The following CAMTA1 variants were observed in gnomAD, a reference collection of about 807,000 sequenced individuals.
CAMTA1 encodes the protein calmodulin binding transcription activator 1, also known as calmodulin-binding transcription activator 1.
A neutral mutation model predicts 170.9 loss-of-function variants in CAMTA1; 27 were observed. That is an observed-to-expected ratio of 0.16 (90% CI 0.12 to 0.22). CAMTA1 has a LOEUF of 0.22. CAMTA1 is among the 10% of genes least tolerant of loss of function. The pLI is 1.00. For missense variants in CAMTA1, 1,619 were observed against 2,217.2 expected, an observed-to-expected ratio of 0.73 and a Z score of 5.42; for synonymous variants, 833 against 891.5, an observed-to-expected ratio of 0.93 and a Z score of 1.17.
At chr1:7,508,617 A>G (rs766207783) in intron 6 of CAMTA1, among the ~76,000 whole-genome samples, 12 of 151,932 alleles carry the variant, frequency 7.9e-5, no homozygotes, top group Non-Finnish European at 1.6e-4. Context: ...GGCTCAGAGA[A>G]TATTTGTTGA....
intron 5 of CAMTA1, among the ~76,000 whole-genome samples, chr1:7,280,834 A>G (rs1394784044): frequency 6.6e-6 from 1 of 152,254 alleles, no homozygotes; most frequent in Non-Finnish European, 1.5e-5. Context: ...TTGTCATAGT[A>G]ATTGATAGGA....
chr1:6,966,422 A>G (rs1029723520), intron 3 of CAMTA1, among the ~76,000 whole-genome samples: 21 of 152,094 alleles, frequency 1.4e-4, no homozygotes, highest in Non-Finnish European at 1.5e-5. Context: ...CATTTCATAT[A>G]AATGGAACCA....
intron 3 of CAMTA1, among the ~76,000 whole-genome samples, chr1:6,885,808 T>C (rs1175050875): frequency 2.0e-5 from 3 of 152,022 alleles, no homozygotes; most frequent in Non-Finnish European, 4.4e-5. Context: ...CCCCTCCTCC[T>C]CCCCTGATGT....
intron 4 of CAMTA1, among the ~76,000 whole-genome samples, chr1:7,103,796 A>G (rs1573061664): frequency 6.6e-6 from 1 of 150,942 alleles, no homozygotes; most frequent in South Asian, 2.1e-4. Flanking sequence ...CGTACATACA[A>G]CGCACATATA....
At chr1:6,969,710 C>G (rs1692199805) in intron 3 of CAMTA1, among the ~76,000 whole-genome samples, 1 of 152,238 alleles carries the variant, frequency 6.6e-6, no homozygotes, top group Non-Finnish European at 1.5e-5. Context: ...TATTGGCCTT[C>G]AAAGCCAGTG....
Position 7,482,772 on chromosome 1 carries a change from C to T in CAMTA1, c.510+14871C>T, listed in dbSNP as rs948973590. On this transcript the variant is annotated intron_variant, in intron 6 of 22. Transcript: ENST00000303635. The surrounding 1 kb of genome is among the most constrained non-coding windows in gnomAD (Gnocchi z 4.2). ...ACTGTCGGTTCCAAAGAAATGAGCT[C>T]CCATGGGGTCTCATTTTGCCCTATC... Among the ~76,000 whole-genome samples the T allele has an allele frequency of 1.3e-5, 2 of 152,190 alleles. No individual in the cohort carries two copies. Among genetic ancestry groups the T allele is most frequent in the East Asian group, 3.9e-4 (2 of 5,192 alleles).
intron 3 of CAMTA1, among the ~76,000 whole-genome samples, chr1:7,053,748 T>G (rs1706846747): frequency 6.6e-6 from 1 of 152,122 alleles, no homozygotes; most frequent in Admixed American, 6.5e-5. Flanking sequence ...TCCCTCTCAC[T>G]CCCATAGAAA....
At chr1:7,024,122 A>G (rs1345064165) in intron 3 of CAMTA1, among the ~76,000 whole-genome samples, 1 of 152,162 alleles carries the variant, frequency 6.6e-6, no homozygotes, top group Non-Finnish European at 1.5e-5. Context: ...GGTTTAGGGA[A>G]GTAAAGGCGG....
intron 16 of CAMTA1, among the ~76,000 whole-genome samples, chr1:7,739,568 C>T (rs564916311): frequency 6.6e-6 from 1 of 152,292 alleles, no homozygotes; most frequent in South Asian, 2.1e-4. Flanking sequence ...TACAGTTCCA[C>T]GTGGTTGGGG....
Position 7,561,013 on chromosome 1 carries a change from G to A in CAMTA1, c.511-79387G>A, listed in dbSNP as rs1043796538. ...TCGTATGACTGTGAAGGACAGGCTGGGACCTAGAAGCCCTGGCCCTCTGCG... is the reference window on the plus strand; with the variant it reads ...TCGTATGACTGTGAAGGACAGGCTGAGACCTAGAAGCCCTGGCCCTCTGCG... On this transcript the variant is annotated intron_variant, in intron 6 of 22. Transcript: ENST00000303635. This position sits in a 1 kb window ranked among gnomAD's most constrained non-coding sequence, Gnocchi z 5.3. Among the ~76,000 whole-genome samples, 7 of 152,132 alleles carry A rather than the reference G, an allele frequency of 4.6e-5. No homozygotes were observed. Among genetic ancestry groups the A allele is most frequent in the African/African-American group, 1.7e-4 (7 of 41,428 alleles).
At chr1:7,416,909 G>A (rs2091215991) in intron 5 of CAMTA1, among the ~76,000 whole-genome samples, 2 of 152,104 alleles carry the variant, frequency 1.3e-5, no homozygotes, top group African/African-American at 4.8e-5. Flanking sequence ...TTTGGTCTTT[G>A]ATGATGGTGA....
At position 7,631,527 on chromosome 1, in the gene CAMTA1, CTG is replaced by C. The variant is rs370133472; in HGVS notation, c.511-8870_511-8869del. On this transcript the variant is annotated intron_variant, in intron 6 of 22. Transcript: ENST00000303635. The stretch of plus-strand genomic sequence containing the variant: ...ACACAGCTGACACTCAGAAAGCAAA[CTG>C]TGAAAACAGAAATGCCCACTGGGAG... Among the ~76,000 whole-genome samples, 35 of 152,330 alleles carry C rather than the reference CTG, an allele frequency of 2.3e-4. No homozygotes were observed. The South Asian group carries it at 6.4e-3, about 28-fold the overall frequency.
At chr1:6,843,826 A>C (rs547349447) in intron 3 of CAMTA1, among the ~76,000 whole-genome samples, 1 of 152,330 alleles carries the variant, frequency 6.6e-6, no homozygotes, top group South Asian at 2.1e-4. Flanking sequence ...CTCCCACAAC[A>C]GCTTCAGTAT....
Position 7,669,174 on chromosome 1 carries a change from G to T in CAMTA1, c.2653-1737G>T, listed in dbSNP as rs372154098. On this transcript the variant is annotated intron_variant, in intron 9 of 22. Transcript: ENST00000303635. ...GCAGGCCTCCTGCTTTTGTTTCTCG[G>T]TCCTGAGCTCTCTCTGCTGCCGTAG... is the stretch of plus-strand genomic sequence containing the variant. Among the ~76,000 whole-genome samples the T allele has an allele frequency of 3.8e-4, 58 of 152,368 alleles. 1 individual carries two copies. The highest frequency in any genetic ancestry group is 1.3e-3 in the African/African-American group (55 of 41,588).
chr1:7,679,578 C>T (rs1463272343), intron 11 of CAMTA1, among the ~76,000 whole-genome samples: 2 of 110,820 alleles, frequency 1.8e-5, no homozygotes, highest in East Asian at 4.5e-4. Context: ...CCTAGCTGCC[C>T]CCCCCCCCAG....
At chr1:7,148,378 C>G (rs925492713) in intron 4 of CAMTA1, among the ~76,000 whole-genome samples, 3 of 152,070 alleles carry the variant, frequency 2.0e-5, no homozygotes. Context: ...ACACCACACA[C>G]TCAAATATGC....
At chr1:7,418,573 C>T (rs1054234874) in intron 5 of CAMTA1, among the ~76,000 whole-genome samples, 2 of 152,306 alleles carry the variant, frequency 1.3e-5, no homozygotes, top group East Asian at 1.9e-4. Context: ...GCCCCAGATG[C>T]GGATCCCTAG....
At chr1:7,231,327 A>ATGTGTGTGTG (rs745744631) in intron 4 of CAMTA1, among the ~76,000 whole-genome samples, 17,024 of 141,548 alleles carry the variant, frequency 0.12, 1,232 homozygotes, top group Middle Eastern at 0.2. Flanking sequence ...TACTGGCTTA[A>ATGTGTGTGTG]TGTGTGTGTG....
At chr1:6,988,447 C>T (rs920816525) in intron 3 of CAMTA1, among the ~76,000 whole-genome samples, 2 of 152,084 alleles carry the variant, frequency 1.3e-5, no homozygotes, top group East Asian at 1.9e-4. Context: ...AATAAAAACC[C>T]GAGTATTGTA....
Sources: allele counts gnomAD v4.1 joint callset (sites outside exome capture counted in the v4.1 genomes callset), GRCh38; gene constraint gnomAD v4.1.1; non-coding constraint Gnocchi (gnomAD v3.1); transcripts MANE v1.5; gene names NCBI Gene and HGNC (gene_info 2026-07-23, HGNC 2026-07-21).